Variants in MAJIN observed in about 807,000 individuals in gnomAD.
MAJIN encodes the protein membrane-anchored junction protein.
A neutral mutation model predicts 30.2 loss-of-function variants in MAJIN; 27 were observed. That is an observed-to-expected ratio of 0.89 (90% CI 0.66 to 1.23). The LOEUF (loss-of-function observed/expected upper bound fraction) is 1.23, where lower values mean the gene tolerates loss of function less well. MAJIN is among the 50% of genes most tolerant of loss of function. The probability of loss-of-function intolerance (pLI) is 0.00; values close to 1 mark genes in which losing one functional copy is unlikely to be tolerated. For missense variants in MAJIN, 253 were observed against 260.3 expected, an observed-to-expected ratio of 0.97 and a Z score of 0.19; for synonymous variants, 78 against 91.6, an observed-to-expected ratio of 0.85 and a Z score of 0.85.
chr11:64,963,522 C>T (rs1041035996), intron 1 of MAJIN, among the ~76,000 whole-genome samples: 2 of 152,144 alleles, frequency 1.3e-5, no homozygotes, highest in Non-Finnish European at 2.9e-5. Flanking sequence ...AATAAAAGAG[C>T]TTCCATAAGC....
intron 10 of MAJIN, 127 bp from the exon 11 acceptor site, chr11:64,938,700 C>A: frequency 9.7e-7 from 1 of 1,028,508 alleles, no homozygotes; most frequent in South Asian, 1.4e-5. Flanking sequence ...AAATTCAAGA[C>A]TGAATAGCAT....
At chr11:64,968,261 T>C (rs1945842688) in intron 1 of MAJIN, among the ~76,000 whole-genome samples, 1 of 152,096 alleles carries the variant, frequency 6.6e-6, no homozygotes, top group Non-Finnish European at 1.5e-5. Flanking sequence ...TTTATAAATA[T>C]CTAAATATCT....
chr11:64,940,778 A>G (rs1590688156), intron 8 of MAJIN, 132 bp from the exon 9 acceptor site: 1 of 615,082 alleles, frequency 1.6e-6, no homozygotes, highest in Admixed American at 2.9e-5. Flanking sequence ...GACAGGTTCT[A>G]TATTTCTTTC....
At chr11:64,969,424 C>T (rs190641271) in intron 1 of MAJIN, among the ~76,000 whole-genome samples, 1 of 147,340 alleles carries the variant, frequency 6.8e-6, no homozygotes, top group Admixed American at 6.8e-5. Flanking sequence ...AATCTGTTGT[C>T]AGAGCAATCA....
intron 6 of MAJIN, 26 bp downstream of exon 6, chr11:64,949,717 A>G: frequency 6.2e-7 from 1 of 1,610,468 alleles, no homozygotes; most frequent in Non-Finnish European, 8.5e-7. Context: ...CTTCTCTGCC[A>G]TCCACATTCA....
intron 4 of MAJIN, chr11:64,954,497 G>C (rs1365711701): frequency 1.4e-5 from 8 of 559,042 alleles, no homozygotes; most frequent in Non-Finnish European, 2.6e-5. Flanking sequence ...AAAGAGAGCT[G>C]CCCAAGGCTG....
At chr11:64,956,915 C>T (rs985144004) in intron 3 of MAJIN, among the ~76,000 whole-genome samples, 3 of 151,732 alleles carry the variant, frequency 2.0e-5, no homozygotes, top group Admixed American at 6.6e-5. Context: ...TACATGCACC[C>T]GCCATCACGC....
At chr11:64,968,719 C>G (rs569875943) in intron 1 of MAJIN, among the ~76,000 whole-genome samples, 1 of 151,734 alleles carries the variant, frequency 6.6e-6, no homozygotes. Context: ...GTAGTCCCAG[C>G]TACTCAGGAG....
At chr11:64,940,469 A>T in intron 9 of MAJIN, 105 bp downstream of exon 9, 1 of 1,186,458 alleles carries the variant, frequency 8.4e-7, no homozygotes, top group Non-Finnish European at 1.2e-6. Flanking sequence ...CACATTACCC[A>T]CTGAGGGCAC....
At chr11:64,942,258 A>AT (rs1476543552) in intron 8 of MAJIN, among the ~76,000 whole-genome samples, 3 of 151,090 alleles carry the variant, frequency 2.0e-5, no homozygotes, top group Non-Finnish European at 4.4e-5. Context: ...AGTTCTGTGA[A>AT]TTTTTTTCCC....
intron 6 of MAJIN, 67 bp from the exon 7 acceptor site, chr11:64,947,886 GTC>G (rs1945476089): frequency 1.5e-6 from 2 of 1,363,940 alleles, no homozygotes; most frequent in African/African-American, 1.6e-5. Context: ...TGGAGATTAA[GTC>G]TCTCTCTGTC....
chr11:64,952,188 C>CT (rs903004001), intron 4 of MAJIN, among the ~76,000 whole-genome samples: 79 of 149,888 alleles, frequency 5.3e-4, no homozygotes, highest in Non-Finnish European at 4.6e-4. Context: ...CACGCCCGGC[C>CT]TTTTTTTTTG....
chr11:64,949,705 T>A lies in MAJIN; in HGVS notation c.349+38A>T, dbSNP rs1355537193. 3.7e-6 allele frequency: 6 copies of A among 1,607,190 alleles called. No individual in the cohort carries two copies. The South Asian group carries it at 4.4e-5, about 12-fold the overall frequency. On this transcript the variant is annotated intron_variant, in intron 6 of 10. Transcript: ENST00000301896. ...ACCTAGCTGGCACAGCTAAACCATT[T>A]TCTTCTCTGCCATCCACATTCACAT... is the stretch of plus-strand genomic sequence containing the variant.
intron 4 of MAJIN, among the ~76,000 whole-genome samples, chr11:64,953,228 C>T (rs942747473): frequency 6.6e-6 from 1 of 152,154 alleles, no homozygotes; most frequent in Admixed American, 6.5e-5. Flanking sequence ...TTATTAACCT[C>T]ATTTGACAGG....
intron 1 of MAJIN, among the ~76,000 whole-genome samples, 184 bp downstream of exon 1, chr11:64,971,693 G>A (rs1945909075): frequency 6.6e-6 from 1 of 152,126 alleles, no homozygotes; most frequent in South Asian, 2.1e-4. Context: ...GCAGTGGCAC[G>A]GCCTGCACCC....
At position 64,972,090 on chromosome 11, in the gene MAJIN, T is replaced by C. The variant is rs1209591628; in HGVS notation, c.-278A>G. ...CTCGTGCCGCGCACCCACCAGGCCT[T>C]CTGCGCACGCGCAAGTGCGCTTCCC... On this transcript the variant is annotated 5_prime_UTR_variant, in exon 1 of 11. Transcript: ENST00000301896. 6 of 152,332 alleles carry C rather than the reference T, an allele frequency of 3.9e-5. No individual in the cohort carries two copies. Among genetic ancestry groups the C allele is most frequent in the African/African-American group, 1.2e-4 (5 of 41,580 alleles). 9.4% of individuals were successfully genotyped at this position (152,332 alleles called of 1,614,324 possible).
At chr11:64,970,013 T>A (rs1273304449) in intron 1 of MAJIN, among the ~76,000 whole-genome samples, 1 of 152,098 alleles carries the variant, frequency 6.6e-6, no homozygotes, top group Non-Finnish European at 1.5e-5. Context: ...TAGATAAGAC[T>A]GCTGGAAACT....
At chr11:64,948,258 A>G (rs1699208540) in intron 6 of MAJIN, among the ~76,000 whole-genome samples, 1 of 152,106 alleles carries the variant, frequency 6.6e-6, no homozygotes, top group South Asian at 2.1e-4. Flanking sequence ...CCCTAAAAAT[A>G]GTGTCTTCAA....
chr11:64,947,587 G>A, intron 7 of MAJIN, 122 bp from the exon 8 acceptor site: 1 of 1,087,406 alleles, frequency 9.2e-7, no homozygotes, highest in Non-Finnish European at 1.4e-6. Flanking sequence ...CACCAGCTTT[G>A]CAAGTAAGAA....
Sources: gnomAD v4.1 joint callset for allele counts (sites outside exome capture counted in the v4.1 genomes callset) on GRCh38, gnomAD v4.1.1 for gene constraint, MANE v1.5 for transcripts, NCBI Gene and HGNC (gene_info 2026-07-23, HGNC 2026-07-21) for gene names.